DDX31: variants seen among roughly 807,000 people sequenced by gnomAD.
DDX31 encodes the protein ATP-dependent DNA helicase DDX31.
Under a neutral mutation model 91.3 loss-of-function variants are expected in DDX31, and 70 were observed. The observed-to-expected ratio is 0.77, with a 90% confidence interval of 0.63 to 0.94. DDX31 has a LOEUF of 0.94. Among genes scored for constraint, DDX31 ranks in the 40% least tolerant of loss-of-function variants. The pLI is 0.00. For missense variants in DDX31, 902 were observed against 925.0 expected (o/e 0.98, Z 0.32); for synonymous variants, 362 against 350.6 (o/e 1.03, Z -0.36).
chr9:132,663,885 G>A (rs745434784), intron 1 of DDX31, among the ~76,000 whole-genome samples: 3 of 152,148 alleles, frequency 2.0e-5, no homozygotes, highest in African/African-American at 7.2e-5. Flanking sequence ...ATTAAAGAAA[G>A]AGATGAAATC....
intron 13 of DDX31, among the ~76,000 whole-genome samples, chr9:132,645,353 G>T (rs1833757559): frequency 6.6e-6 from 1 of 152,106 alleles, no homozygotes; most frequent in Non-Finnish European, 1.5e-5. Flanking sequence ...GAAAGAACTG[G>T]GAACCCGAAG....
In DDX31 at chr9:132,601,511, GCCAGTGCCTGGC is replaced by G. The variant is rs1300054140; in HGVS notation, c.1995-6411_1995-6400del. 5.9e-5 allele frequency among the ~76,000 whole-genome samples: 9 copies of G among 152,300 alleles called. No individual in the cohort carries two copies. In the East Asian group the frequency reaches 1.7e-3, roughly 29 times the overall value. On this transcript the variant is annotated intron_variant, in intron 19 of 19. Transcript: ENST00000372159. The stretch of plus-strand genomic sequence containing the variant: ...ACCACAATGGCCATCCATCATGGGG[GCCAGTGCCTGGC>G]CACTGCTGAGCATCCATCAGTGGAG...
intron 6 of DDX31, among the ~76,000 whole-genome samples, chr9:132,657,928 C>A (rs1021110376): frequency 1.3e-5 from 2 of 152,212 alleles, no homozygotes; most frequent in Admixed American, 6.5e-5. Flanking sequence ...AACATTTCAG[C>A]TAAATGGCTG....
chr9:132,642,000 G>A lies in DDX31; in HGVS notation c.1440+4C>T, dbSNP rs1243319076. 1.1e-5 allele frequency: 17 copies of A among 1,612,984 alleles called. No individual in the cohort carries two copies. Among genetic ancestry groups the A allele is most frequent in the African/African-American group, 5.3e-5 (4 of 74,892 alleles). ...CTTCACATGGAACACAGGAGGATAC[G>A]TACCGTGCAAAGAAGGACGCCTCTT... On this transcript the variant is annotated splice_donor_region_variant and intron_variant, in intron 14 of 19. Coordinates refer to ENST00000372159, the MANE Select transcript of DDX31 (RefSeq NM_022779.9).
chr9:132,599,176 C>T (rs920643206), intron 19 of DDX31, among the ~76,000 whole-genome samples: 3 of 152,334 alleles, frequency 2.0e-5, no homozygotes, highest in Non-Finnish European at 2.9e-5. Context: ...AACTTACTCA[C>T]TTTTCCAACC....
At chr9:132,623,224 T>C (rs1473579035) in intron 17 of DDX31, among the ~76,000 whole-genome samples, 1 of 151,934 alleles carries the variant, frequency 6.6e-6, no homozygotes. Flanking sequence ...AGAACACTAT[T>C]TTATCTCAAC....
At chr9:132,648,959 T>C (rs940680498) in intron 9 of DDX31, among the ~76,000 whole-genome samples, 1 of 152,136 alleles carries the variant, frequency 6.6e-6, no homozygotes, top group African/African-American at 2.4e-5. Context: ...TAGGACACTT[T>C]TTTCTTATGC....
At chr9:132,617,299 T>C (rs1037265568) in intron 18 of DDX31, among the ~76,000 whole-genome samples, 4 of 152,130 alleles carry the variant, frequency 2.6e-5, no homozygotes, top group African/African-American at 9.7e-5. Flanking sequence ...CTCTGCTATG[T>C]CACCCCTTCA....
intron 6 of DDX31, among the ~76,000 whole-genome samples, chr9:132,654,147 C>T (rs1246233355): frequency 1.3e-5 from 2 of 152,136 alleles, no homozygotes; most frequent in African/African-American, 4.8e-5. Flanking sequence ...AAATAAAACA[C>T]TGATACGTTT....
At chr9:132,649,314 T>C (rs1564326094) in intron 9 of DDX31, among the ~76,000 whole-genome samples, 2 of 152,062 alleles carry the variant, frequency 1.3e-5, no homozygotes, top group African/African-American at 4.8e-5. Context: ...GGATAAAAGG[T>C]AAAGGGAACA....
chr9:132,641,776 C>T (rs987440481), intron 14 of DDX31, among the ~76,000 whole-genome samples: 2 of 152,176 alleles, frequency 1.3e-5, no homozygotes, highest in African/African-American at 4.8e-5. Context: ...CCAACAGCTG[C>T]CACTATTAGT....
intron 1 of DDX31, among the ~76,000 whole-genome samples, chr9:132,666,123 T>TCACACAAC (rs943735077): frequency 2.6e-5 from 4 of 152,210 alleles, no homozygotes; most frequent in Admixed American, 2.0e-4. Context: ...GTTTTTAAAT[T>TCACACAAC]CACACAACCA....
chr9:132,658,617 T>G (rs1834732310), intron 6 of DDX31, 54 bp downstream of exon 6: 1 of 1,497,458 alleles, frequency 6.7e-7, no homozygotes, highest in African/African-American at 1.4e-5. Context: ...TGCTTCAGTT[T>G]GATGGTTGCT....
intron 17 of DDX31, among the ~76,000 whole-genome samples, chr9:132,619,434 A>T (rs955671880): frequency 1.3e-5 from 2 of 152,132 alleles, no homozygotes; most frequent in African/African-American, 4.8e-5. Flanking sequence ...CGTGCTGCTT[A>T]ACCTTGTAGA....
chr9:132,611,361 A>G (rs1004123252), intron 19 of DDX31, among the ~76,000 whole-genome samples: 10 of 152,180 alleles, frequency 6.6e-5, no homozygotes, highest in African/African-American at 2.4e-4. Context: ...ACAGGGCCTC[A>G]CGCGCTCTGG....
intron 14 of DDX31, 107 bp from the exon 15 acceptor site, chr9:132,632,198 A>G: frequency 2.5e-6 from 2 of 805,680 alleles, no homozygotes; most frequent in South Asian, 3.1e-5. Context: ...ACCCGCCCAC[A>G]GTACATGCAC....
intron 6 of DDX31, among the ~76,000 whole-genome samples, chr9:132,652,866 C>T (rs907326418): frequency 2.6e-5 from 4 of 152,066 alleles, no homozygotes; most frequent in African/African-American, 7.2e-5. Context: ...AAATGTCTTT[C>T]GTCCTCTGCC....
intron 18 of DDX31, among the ~76,000 whole-genome samples, chr9:132,612,970 T>A (rs1435906073): frequency 6.6e-6 from 1 of 152,226 alleles, no homozygotes; most frequent in Non-Finnish European, 1.5e-5. Flanking sequence ...TAGAGTGCAG[T>A]GACGTGATCA....
intron 1 of DDX31, among the ~76,000 whole-genome samples, chr9:132,665,937 G>C (rs1219719605): frequency 4.6e-5 from 7 of 152,298 alleles, no homozygotes; most frequent in Admixed American, 3.9e-4. Flanking sequence ...CTACATTCTA[G>C]AGGCCTCACA....
Sources: allele counts gnomAD v4.1 joint callset (sites outside exome capture counted in the v4.1 genomes callset), GRCh38; gene constraint gnomAD v4.1.1; transcripts MANE v1.5; gene names NCBI Gene and HGNC (gene_info 2026-07-23, HGNC 2026-07-21).